The following RASGRP3 variants were observed in gnomAD, a reference collection of about 807,000 sequenced individuals.
RASGRP3 encodes the protein RAS guanyl releasing protein 3.
Under a neutral mutation model 82.7 loss-of-function variants are expected in RASGRP3, and 54 were observed. That is an observed-to-expected ratio of 0.65 (90% confidence interval 0.52 to 0.82). The LOEUF is 0.82. Among genes scored for constraint, RASGRP3 ranks in the 40% least tolerant of loss-of-function variants. The pLI is 0.00. For missense variants in RASGRP3, 861 were observed against 828.9 expected, an observed-to-expected ratio of 1.04 and a Z score of -0.48; for synonymous variants, 309 against 300.5, an observed-to-expected ratio of 1.03 and a Z score of -0.29.
chr2:33,519,902 G>A (rs769582835), intron 4 of RASGRP3, 50 bp from the exon 5 acceptor site: 67 of 1,300,928 alleles, frequency 5.2e-5, no homozygotes, highest in Admixed American at 7.6e-5. Context: ...AGCTGCAGGG[G>A]TGTGCAAAGG....
intron 1 of RASGRP3, among the ~76,000 whole-genome samples, chr2:33,484,802 A>G (rs1668228020): frequency 6.6e-6 from 1 of 152,236 alleles, no homozygotes; most frequent in African/African-American, 2.4e-5. Flanking sequence ...ACCTTGTAGA[A>G]GGTCACAAGC....
intron 11 of RASGRP3, among the ~76,000 whole-genome samples, chr2:33,536,683 A>G (rs1673644802): frequency 6.6e-6 from 1 of 152,192 alleles, no homozygotes; most frequent in Admixed American, 6.5e-5. Flanking sequence ...ATCTAACACA[A>G]GACATTTCCC....
At chr2:33,485,027 A>G (rs144638933) in intron 1 of RASGRP3, among the ~76,000 whole-genome samples, 1 of 152,222 alleles carries the variant, frequency 6.6e-6, no homozygotes, top group African/African-American at 2.4e-5. Flanking sequence ...GGAGAAACCC[A>G]GTCTCTACTA....
chr2:33,490,913 C>T (rs1404255577), intron 1 of RASGRP3, among the ~76,000 whole-genome samples: 2 of 152,138 alleles, frequency 1.3e-5, no homozygotes, highest in African/African-American at 4.8e-5. Flanking sequence ...ATTTGTTGAG[C>T]CAGTAAAGAA....
intron 10 of RASGRP3, chr2:33,533,005 T>G (rs902764233): frequency 6.6e-6 from 1 of 152,152 alleles, no homozygotes; most frequent in Admixed American, 6.5e-5. Flanking sequence ...TTCTTTCTTT[T>G]CCCCCACACT....
At chr2:33,475,328 T>C (rs1205983083), upstream of RASGRP3, among the ~76,000 whole-genome samples, 1 of 152,242 alleles carries the variant, frequency 6.6e-6, no homozygotes, top group Non-Finnish European at 1.5e-5. Context: ...CTTTTTCTCT[T>C]ATTCTAGAAA....
chr2:33,522,217 AG>A (rs1672104826), intron 7 of RASGRP3, 115 bp downstream of exon 7: 21 of 1,208,482 alleles, frequency 1.7e-5, no homozygotes, highest in Non-Finnish European at 2.4e-5. Flanking sequence ...GCTCTGCTGG[AG>A]AAGTGCCCTT....
At chr2:33,516,509 A>C in intron 3 of RASGRP3, 33 bp from the exon 4 acceptor site, 2 of 1,385,810 alleles carry the variant, frequency 1.4e-6, no homozygotes, top group African/African-American at 1.4e-5. Flanking sequence ...TAGCACTATT[A>C]TCTCCTCACT....
At chr2:33,443,709 TAAA>T (rs1161262477) in intron 1 of RASGRP3, among the ~76,000 whole-genome samples, 7 of 98,224 alleles carry the variant, frequency 7.1e-5, no homozygotes, top group African/African-American at 1.6e-4. Context: ...ATCCTGTCTC[TAAA>T]AAAAAAAAAA....
chr2:33,548,078 AGGGCTGGGCGCGGT>A (rs1674976944), intron 13 of RASGRP3, among the ~76,000 whole-genome samples: 1 of 152,066 alleles, frequency 6.6e-6, no homozygotes, highest in Non-Finnish European at 1.5e-5. Context: ...GAAGGTAGAG[AGGGCTGGGCGCGGT>A]GGCTCACGCC....
intron 8 of RASGRP3, 85 bp downstream of exon 8, chr2:33,524,137 C>A: frequency 6.8e-7 from 1 of 1,480,486 alleles, no homozygotes; most frequent in South Asian, 1.2e-5. Flanking sequence ...ATGTGGCGTT[C>A]ACAGTATAAG....
intron 14 of RASGRP3, among the ~76,000 whole-genome samples, chr2:33,553,999 A>C (rs1675634536): frequency 6.6e-6 from 1 of 152,150 alleles, no homozygotes; most frequent in African/African-American, 2.4e-5. Context: ...GGCCTCCGAA[A>C]GTGCTGGGAT....
chr2:33,475,342 C>T (rs1260284854), upstream of RASGRP3, among the ~76,000 whole-genome samples: 1 of 152,148 alleles, frequency 6.6e-6, no homozygotes, highest in East Asian at 1.9e-4. Flanking sequence ...CTAGAAAACA[C>T]TGTATCCTCT....
intron 1 of RASGRP3, among the ~76,000 whole-genome samples, chr2:33,496,646 A>G (rs911590514): frequency 3.3e-5 from 5 of 152,210 alleles, no homozygotes; most frequent in African/African-American, 1.2e-4. Flanking sequence ...ACTTGAGGTT[A>G]GGAGTTCAAG....
chr2:33,545,926 T>TC (rs1415796802), intron 13 of RASGRP3, among the ~76,000 whole-genome samples: 1 of 152,028 alleles, frequency 6.6e-6, no homozygotes, highest in African/African-American at 2.4e-5. Flanking sequence ...TGCCTGAGCC[T>TC]CCTGAGTAGC....
chr2:33,464,306 G>C (rs1225492439), intron 2 of RASGRP3, among the ~76,000 whole-genome samples: 1 of 150,542 alleles, frequency 6.6e-6, no homozygotes, highest in Non-Finnish European at 1.5e-5. Flanking sequence ...TTTTAGTAGA[G>C]TCGGGGTCTT....
chr2:33,515,045 C>A lies in RASGRP3; in HGVS notation c.-92C>A. ...AAGTACAACTAAGGACAGGTCACCA[C>A]TAGGCACTAACATCGCTGACTTGCA... On this transcript the variant is annotated 5_prime_UTR_variant, in exon 3 of 18. Transcript: ENST00000403687. 1.7e-6 allele frequency: 2 copies of A among 1,175,800 alleles called. No homozygotes were observed. Among genetic ancestry groups the A allele is most frequent in the Non-Finnish European group, 2.6e-6 (2 of 781,056 alleles). The allele number at this position is 1,175,800 out of a possible 1,614,324, so 72.8% of individuals were successfully genotyped here.
At chr2:33,530,032 C>T (rs1672959734) in intron 10 of RASGRP3, among the ~76,000 whole-genome samples, 2 of 152,176 alleles carry the variant, frequency 1.3e-5, no homozygotes, top group South Asian at 4.1e-4. Context: ...GGATTAATCT[C>T]CTCAACATGA....
At chr2:33,547,029 A>C (rs1023006794) in intron 13 of RASGRP3, among the ~76,000 whole-genome samples, 1 of 147,814 alleles carries the variant, frequency 6.8e-6, no homozygotes, top group Non-Finnish European at 1.5e-5. Flanking sequence ...AGCCTGGGTA[A>C]CAAGAGCGAA....
Sources: gnomAD v4.1 joint callset for allele counts (sites outside exome capture counted in the v4.1 genomes callset) on GRCh38, gnomAD v4.1.1 for gene constraint, MANE v1.5 for transcripts, NCBI Gene and HGNC (gene_info 2026-07-23, HGNC 2026-07-21) for gene names.